Variants in SZT2 observed in about 807,000 individuals in gnomAD.
The protein encoded by SZT2 is SZT2 subunit of KICSTOR complex.
In SZT2, 216 loss-of-function variants were observed where a neutral mutation model predicts 404.2. That is an observed-to-expected ratio of 0.53 (90% CI 0.48 to 0.60). SZT2 has a LOEUF of 0.60. Ranked by LOEUF, SZT2 falls within the 20% of genes least tolerant of loss-of-function variation. SZT2 has a pLI of 0.00. For synonymous variants in SZT2, 1,693 were observed against 1,749.9 expected, an observed-to-expected ratio of 0.97 and a Z score of 0.81; for missense variants, 3,857 against 4,459.2, an observed-to-expected ratio of 0.86 and a Z score of 3.85.
chr1:43,393,977 G>T (rs758976436), intron 1 of SZT2: 4 of 551,866 alleles, frequency 7.2e-6, no homozygotes, highest in African/African-American at 2.1e-5. Flanking sequence ...TATAGCAAAT[G>T]ATAGAATCAG....
chr1:43,419,243 G>A (rs1037117724), intron 7 of SZT2, among the ~76,000 whole-genome samples: 2 of 152,236 alleles, frequency 1.3e-5, no homozygotes, highest in Non-Finnish European at 2.9e-5. Flanking sequence ...TTGGCCCTCA[G>A]GGTATATGTA....
intron 1 of SZT2, among the ~76,000 whole-genome samples, chr1:43,399,130 A>G (rs1388493107): frequency 6.6e-6 from 1 of 151,950 alleles, no homozygotes; most frequent in Middle Eastern, 3.2e-3. Flanking sequence ...TTCCAATGCT[A>G]CTTTAATCAT....
At chr1:43,403,801 A>T (rs1186811562) in intron 3 of SZT2, 27 bp downstream of exon 3, 13 of 1,608,214 alleles carry the variant, frequency 8.1e-6, no homozygotes, top group Non-Finnish European at 1.1e-5. Context: ...AGACTGTGGG[A>T]AGAAAGGATG....
Position 43,431,765 on chromosome 1 carries a change from G to A in SZT2, c.5138G>A (p.Gly1713Asp), listed in dbSNP as rs1275717817. The change falls in exon 36 of 72, where the codon GGC becomes GAC. Residue 1713 changes from glycine (G) to aspartate (D), a missense_variant. Transcript: ENST00000634258. ...ATGGTGGGGGCACTCCGAAGAGGGG[G>A]CATCCCACAGAGTCCTGCCCTGCAC... ...DEMVGALRRG[G>D]IPQSPALHRA... The A allele has an allele frequency of 6.2e-7, 1 of 1,614,216 alleles. No individual in the cohort carries two copies. Among genetic ancestry groups the A allele is most frequent in the Non-Finnish European group, 8.5e-7 (1 of 1,180,034 alleles).
At chr1:43,392,596 A>G (rs1310282442) in intron 1 of SZT2, among the ~76,000 whole-genome samples, 1 of 152,078 alleles carries the variant, frequency 6.6e-6, no homozygotes, top group Non-Finnish European at 1.5e-5. Flanking sequence ...TTGTGTTTTT[A>G]GTAAAGACGG....
In SZT2 at chr1:43,452,486, G is replaced by C. The variant is rs1471449408; in HGVS notation, c.*2006G>C. 2.8e-6 allele frequency: 2 copies of C among 702,234 alleles called. No homozygotes were observed. The highest frequency in any genetic ancestry group is 5.3e-6 in the Non-Finnish European group (2 of 378,852). The allele number at this position is 702,234 out of a possible 1,614,324, so 43.5% of individuals were successfully genotyped here. ...GCACTTTCAGAGACACTTCAGTGAT[G>C]GCTGAGGGGCAAGCCCTTTCCCAGA... On this transcript the variant is annotated 3_prime_UTR_variant, in exon 72 of 72. Coordinates refer to ENST00000634258, the MANE Select transcript of SZT2 (RefSeq NM_001365999.1).
intron 4 of SZT2, chr1:43,406,283 A>G: frequency 3.2e-6 from 1 of 312,612 alleles, no homozygotes; most frequent in Non-Finnish European, 6.3e-6. Flanking sequence ...TTTTTGGTAG[A>G]GACAGGGTTT....
At position 43,448,035 on chromosome 1, in the gene SZT2, C is replaced by G. The variant is rs1655895820; in HGVS notation, c.9564-44C>G. 1.2e-6 allele frequency: 2 copies of G among 1,609,164 alleles called. No homozygotes were observed. The highest frequency in any genetic ancestry group is 2.2e-5 in the South Asian group (2 of 90,802). ...GCCTGCCCCACCCTGCCCTGTGTGT[C>G]TCTTGCTACAACCACCACTCTCCTG... On this transcript the variant is annotated intron_variant, in intron 68 of 71. Coordinates refer to ENST00000634258, the MANE Select transcript of SZT2 (RefSeq NM_001365999.1). This position sits in a 1 kb window ranked among gnomAD's most constrained non-coding sequence, Gnocchi z 4.2.
intron 1 of SZT2, among the ~76,000 whole-genome samples, chr1:43,399,098 A>G (rs567942295): frequency 1.0e-3 from 152 of 152,242 alleles, no homozygotes; most frequent in African/African-American, 3.5e-3. Context: ...AAAAGAAAAA[A>G]ATCATTTTGC....
At chr1:43,438,117 C>T (rs928114136) in intron 46 of SZT2, 1 of 534,844 alleles carries the variant, frequency 1.9e-6, no homozygotes, top group Middle Eastern at 5.0e-4. Context: ...TGGGTCCCTC[C>T]TCTAGTTCCT....
chr1:43,439,902 T>C lies in SZT2; in HGVS notation c.7064T>C (p.Leu2355Pro). The change falls in exon 51 of 72, where the codon CTT becomes CCT. Residue 2355 changes from leucine to proline, a missense_variant. Leu to Pro is a moderately conservative substitution (Grantham distance 98). Transcript: ENST00000634258. This position sits in a 1 kb window ranked among gnomAD's most constrained non-coding sequence, Gnocchi z 4.2. Reference protein sequence around the residue: ...SSSAQNGAPRLRLDVWEKGNI... With the variant: ...SSSAQNGAPRPRLDVWEKGNI... Reference sequence around the variant, plus strand: ...CCAGCTCAGAATGGGGCCCCACGGCTTCGATTGGATGTGTGGGAAAAGGGG... The same window carrying C: ...CCAGCTCAGAATGGGGCCCCACGGCCTCGATTGGATGTGTGGGAAAAGGGG... The C allele has an allele frequency of 6.2e-7, 1 of 1,603,600 alleles. No homozygotes were observed. The highest frequency in any genetic ancestry group is 8.5e-7 in the Non-Finnish European group (1 of 1,174,388).
chr1:43,426,091 C>T lies in SZT2; in HGVS notation c.2983C>T (p.Leu995=). 2 of 1,614,156 alleles carry T rather than the reference C, an allele frequency of 1.2e-6. No homozygotes were observed. The highest frequency in any genetic ancestry group is 1.7e-6 in the Non-Finnish European group (2 of 1,180,028). The change falls in exon 21 of 72, where the codon CTA becomes TTA. Residue 995 remains leucine (L), a synonymous_variant. Transcript: ENST00000634258. The surrounding 1 kb of genome is among the most constrained non-coding windows in gnomAD (Gnocchi z 4.9). ...CVHEIPFHFD[L]MGLLPQCQQL... ...CCATGAGATCCCTTTCCATTTTGAC[C>T]TAATGGGATTGCTGCCACAGTGCCA... is the stretch of plus-strand genomic sequence containing the variant.
rs1655977651 is a variant in SZT2 at position 43,448,565 on chromosome 1, C to A, written c.9970-47C>A. ...CAGCCAGGGCAGAGGGCACAGGAAT[C>A]TGAGGTGACTGGCACAGAAGACTCA... On this transcript the variant is annotated intron_variant, in intron 69 of 71. Transcript: ENST00000634258. The surrounding 1 kb of genome is among the most constrained non-coding windows in gnomAD (Gnocchi z 4.2). 1 of 1,613,754 alleles carries A rather than the reference C, an allele frequency of 6.2e-7. No individual in the cohort carries two copies. Among genetic ancestry groups the A allele is most frequent in the Non-Finnish European group, 8.5e-7 (1 of 1,179,816 alleles).
chr1:43,431,589 C>T lies in SZT2; in HGVS notation c.5088+66C>T, dbSNP rs915444236. On this transcript the variant is annotated intron_variant, in intron 35 of 71. Coordinates refer to ENST00000634258, the MANE Select transcript of SZT2 (RefSeq NM_001365999.1). ...CATCGTATGAGTGAGATAAGGTACC[C>T]CCTTTGTTCTGGGATAGAAGTGAGG... 11 of 1,606,918 alleles carry T rather than the reference C, an allele frequency of 6.8e-6. No homozygotes were observed. The African/African-American group carries it at 1.1e-4, about 16-fold the overall frequency.
At chr1:43,391,804 G>C (rs1259531680) in intron 1 of SZT2, among the ~76,000 whole-genome samples, 1 of 19,022 alleles carries the variant, frequency 5.3e-5, no homozygotes, top group Non-Finnish European at 1.2e-4. Context: ...AAACAAGGCC[G>C]GGCGCGGTGG....
rs1653621170 is a variant in SZT2 at position 43,429,690 on chromosome 1, C to T, written c.4167-13C>T. The stretch of plus-strand genomic sequence containing the variant: ...GTTCTTAACACTTCAACATCCTTAC[C>T]CCAACCATTCAGCATAGAGACCGAG... On this transcript the variant is annotated splice_polypyrimidine_tract_variant and intron_variant, in intron 28 of 71. Coordinates refer to ENST00000634258, the MANE Select transcript of SZT2 (RefSeq NM_001365999.1). 1 of 1,614,128 alleles carries T rather than the reference C, an allele frequency of 6.2e-7. No homozygotes were observed. The highest frequency in any genetic ancestry group is 8.5e-7 in the Non-Finnish European group (1 of 1,180,024).
In SZT2 at chr1:43,437,773, C is replaced by G. The variant is rs1234450850; in HGVS notation, c.6397-18C>G. 2 of 1,614,030 alleles carry G rather than the reference C, an allele frequency of 1.2e-6. No homozygotes were observed. The highest frequency in any genetic ancestry group is 1.7e-6 in the Non-Finnish European group (2 of 1,180,030). On this transcript the variant is annotated intron_variant, in intron 45 of 71. Coordinates refer to ENST00000634258, the MANE Select transcript of SZT2 (RefSeq NM_001365999.1). This position sits in a 1 kb window ranked among gnomAD's most constrained non-coding sequence, Gnocchi z 5.3. ...TTGCTCTCTGGAACCGGGGCCCTGA[C>G]CACAGTTTTCCCTGTAGGGTCCTCG...
chr1:43,438,553 C>G, intron 46 of SZT2, 146 bp from the exon 47 acceptor site: 3 of 724,624 alleles, frequency 4.1e-6, no homozygotes, highest in Non-Finnish European at 7.1e-6. Context: ...AGAATTGGAA[C>G]CTAGTGCTGG....
rs1652868500 is a variant in SZT2, at chr1:43,424,269, C to T, written c.2308C>T (p.Pro770Ser). 3.1e-6 allele frequency: 5 copies of T among 1,597,980 alleles called. No homozygotes were observed. Among genetic ancestry groups the T allele is most frequent in the Non-Finnish European group, 4.2e-6 (5 of 1,179,546 alleles). The change falls in exon 16 of 72, where the codon CCA (proline) becomes TCA (serine). Residue 770 changes from proline to serine, a missense_variant. By Grantham distance (74) the Pro-to-Ser change is moderately conservative. This residue lies in a region of SZT2 where 1,725 missense variants were observed against 1,881.0 expected (regional missense o/e 0.92). Transcript: ENST00000634258. This position sits in a 1 kb window ranked among gnomAD's most constrained non-coding sequence, Gnocchi z 4.1. ...GGCACCCTTCTTGCTGACATTGGAG[C>T]CACCAGGTCCACTGCCCTTGGTGTC... ...YRAPFLLTLE[P>S]PGPLPLVSGR...
Sources: gnomAD v4.1 joint callset for allele counts (sites outside exome capture counted in the v4.1 genomes callset) on GRCh38, gnomAD v4.1.1 for gene constraint, gnomAD v4.1.1 regional missense constraint, Gnocchi (gnomAD v3.1) non-coding constraint, MANE v1.5 for transcripts, NCBI Gene and HGNC (gene_info 2026-07-23, HGNC 2026-07-21) for gene names.